Variants in GLIS3 observed in about 807,000 individuals in gnomAD.
The protein encoded by GLIS3 is GLIS family zinc finger 3.
Under a neutral mutation model 78.6 loss-of-function variants are expected in GLIS3, and 53 were observed. The ratio of observed to expected loss-of-function variants is 0.67; its 90% CI spans 0.54 to 0.85. The LOEUF (loss-of-function observed/expected upper bound fraction) is 0.85, where lower values mean the gene tolerates loss of function less well. Ranked by LOEUF, GLIS3 falls within the 40% of genes least tolerant of loss-of-function variation. The pLI is 0.00. For synonymous variants in GLIS3, 684 were observed against 509.9 expected, an observed-to-expected ratio of 1.34 and a Z score of -4.60; for missense variants, 1,703 against 1,231.1, an observed-to-expected ratio of 1.38 and a Z score of -5.74.
At chr9:3,892,516 C>T (rs1335861886) in intron 7 of GLIS3, among the ~76,000 whole-genome samples, 1 of 152,166 alleles carries the variant, frequency 6.6e-6, no homozygotes, top group Non-Finnish European at 1.5e-5. Context: ...GCAATATGCT[C>T]TCTTATTACT....
Position 4,041,758 on chromosome 9 carries a change from G to C in GLIS3, c.1710+76010C>G, listed in dbSNP as rs74472959. Among the ~76,000 whole-genome samples, 1,460 of 152,232 alleles carry C rather than the reference G, an allele frequency of 9.6e-3. 22 individuals are homozygous for C. The highest frequency in any genetic ancestry group is 0.033 in the African/African-American group (1,390 of 41,528). On this transcript the variant is annotated intron_variant, in intron 4 of 10. Coordinates refer to ENST00000381971, the MANE Select transcript of GLIS3 (RefSeq NM_001042413.2). ...GATGTTCTGAAGATAAAACCAGGTA[G>C]AACACCCAACCCCACTTCATGTCTC...
At chr9:4,309,658 A>G (rs957909494) in intron 3 of GLIS3, among the ~76,000 whole-genome samples, 7 of 152,344 alleles carry the variant, frequency 4.6e-5, no homozygotes, top group Middle Eastern at 3.4e-3. Flanking sequence ...ACTGATTTAC[A>G]TACACACTCA....
intron 6 of GLIS3, among the ~76,000 whole-genome samples, chr9:3,917,116 T>C (rs952744314): frequency 3.3e-5 from 5 of 152,186 alleles, no homozygotes; most frequent in African/African-American, 1.2e-4. Context: ...TGCACGTAAA[T>C]GCAGTGTTGC....
chr9:4,176,765 A>G (rs536745921), intron 2 of GLIS3, among the ~76,000 whole-genome samples: 3 of 152,306 alleles, frequency 2.0e-5, no homozygotes, highest in African/African-American at 7.2e-5. Flanking sequence ...CTGGGATAAA[A>G]GACACCTGCG....
At chr9:4,322,195 A>G (rs1298006939) in intron 2 of GLIS3, among the ~76,000 whole-genome samples, 1 of 152,194 alleles carries the variant, frequency 6.6e-6, no homozygotes, top group Non-Finnish European at 1.5e-5. Context: ...ATGTCCCTAC[A>G]AAGGACATGA....
At chr9:4,001,310 T>C (rs1236251568) in intron 4 of GLIS3, among the ~76,000 whole-genome samples, 1 of 152,220 alleles carries the variant, frequency 6.6e-6, no homozygotes, top group Non-Finnish European at 1.5e-5. Context: ...ATCCATTATT[T>C]TTTAAGGCTA....
chr9:4,308,688 G>A (rs549648667), intron 4 of GLIS3: 9 of 152,444 alleles, frequency 5.9e-5, no homozygotes, highest in Admixed American at 5.9e-4. Context: ...TAGGCATCAG[G>A]ACTCTTTATA....
intron 2 of GLIS3, among the ~76,000 whole-genome samples, chr9:4,138,337 T>C (rs1337581816): frequency 2.6e-5 from 4 of 152,208 alleles, no homozygotes; most frequent in Non-Finnish European, 4.4e-5. Context: ...AGCTAGCCCT[T>C]GGTCAAAGAT....
chr9:4,458,387 C>T, the GLIS3 span, among the ~76,000 whole-genome samples: 4 of 152,166 alleles, frequency 2.6e-5, no homozygotes, highest in African/African-American at 9.7e-5. Context: ...GTACAAATAA[C>T]ATGCCAGGTA....
intron 2 of GLIS3, among the ~76,000 whole-genome samples, chr9:4,259,433 T>C (rs959513688): frequency 6.6e-6 from 1 of 152,032 alleles, no homozygotes; most frequent in Non-Finnish European, 1.5e-5. Context: ...AACTCCTCAT[T>C]TCATAGGGAA....
intron 2 of GLIS3, among the ~76,000 whole-genome samples, chr9:4,311,133 G>A (rs1398973591): frequency 3.3e-5 from 5 of 152,342 alleles, no homozygotes; most frequent in Middle Eastern, 3.4e-3. Flanking sequence ...TTTTGGCCAG[G>A]CGCGGTGGCT....
At chr9:4,198,042 C>A (rs1365087260) in intron 2 of GLIS3, among the ~76,000 whole-genome samples, 2 of 152,064 alleles carry the variant, frequency 1.3e-5, no homozygotes, top group African/African-American at 4.8e-5. Context: ...ATTAGAAGTG[C>A]CAGCACTTCC....
chr9:4,201,195 A>G (rs1819360150), intron 2 of GLIS3, among the ~76,000 whole-genome samples: 1 of 152,202 alleles, frequency 6.6e-6, no homozygotes, highest in South Asian at 2.1e-4. Context: ...CAAAATAATC[A>G]GATCATCTAT....
chr9:4,105,736 T>C (rs1054150245), intron 4 of GLIS3, among the ~76,000 whole-genome samples: 1 of 152,158 alleles, frequency 6.6e-6, no homozygotes, highest in Non-Finnish European at 1.5e-5. Context: ...GTTGGAGTGA[T>C]TTCTCCCTTA....
intron 4 of GLIS3, among the ~76,000 whole-genome samples, chr9:4,044,744 T>A (rs1162758409): frequency 6.6e-6 from 1 of 152,218 alleles, no homozygotes; most frequent in Non-Finnish European, 1.5e-5. Flanking sequence ...GACACTAGCA[T>A]GCTTTCTCAT....
At chr9:4,306,403 C>T (rs541503808) in intron 4 of GLIS3, among the ~76,000 whole-genome samples, 4 of 152,278 alleles carry the variant, frequency 2.6e-5, no homozygotes, top group East Asian at 3.9e-4. Context: ...ACACAATGCC[C>T]GCTTTCAGAC....
At chr9:4,111,623 T>G (rs922715885) in intron 4 of GLIS3, among the ~76,000 whole-genome samples, 2 of 152,250 alleles carry the variant, frequency 1.3e-5, no homozygotes, top group Non-Finnish European at 1.5e-5. Flanking sequence ...TTACCTATAC[T>G]AAGGGATTTG....
At chr9:4,013,244 G>T (rs503459) in intron 4 of GLIS3, among the ~76,000 whole-genome samples, 13,840 of 152,114 alleles carry the variant, frequency 0.091, 1,969 homozygotes, top group African/African-American at 0.3. Flanking sequence ...CACTACAGAC[G>T]TTAAGCAGCT....
At chr9:4,438,015 G>T in the GLIS3 span, among the ~76,000 whole-genome samples, 1 of 152,056 alleles carries the variant, frequency 6.6e-6, no homozygotes, top group Non-Finnish European at 1.5e-5. Flanking sequence ...AGTTATATGT[G>T]GATTTTTGAC....
Sources: gnomAD v4.1 joint callset for allele counts (sites outside exome capture counted in the v4.1 genomes callset) on GRCh38, gnomAD v4.1.1 for gene constraint, MANE v1.5 for transcripts, NCBI Gene and HGNC (gene_info 2026-07-23, HGNC 2026-07-21) for gene names.